The following CHM variants were observed in gnomAD, a reference collection of about 807,000 sequenced individuals.
CHM encodes the protein CHM Rab escort protein.
CHM carries 10 observed loss-of-function variants against 49.0 expected under a neutral mutation model. The observed-to-expected ratio is 0.20, with a 90% CI of 0.13 to 0.35. The LOEUF (loss-of-function observed/expected upper bound fraction) is 0.35. Among genes scored for constraint, CHM ranks in the 10% least tolerant of loss-of-function variants. The pLI is 1.00. For synonymous variants in CHM, 184 were observed against 167.5 expected (o/e 1.10, Z -0.76); for missense variants, 455 against 478.4 (o/e 0.95, Z 0.46).
chrX:85,937,772 A>G (rs1317759952), intron 8 of CHM, among the ~76,000 whole-genome samples: 1 of 106,966 alleles, frequency 9.3e-6, no homozygotes, highest in African/African-American at 3.4e-5. Context: ...TGAATCCCTG[A>G]GGCAGAGGTT....
chrX:85,901,565 AAAAG>A (rs1247321227), intron 9 of CHM, among the ~76,000 whole-genome samples: 1 of 111,550 alleles, frequency 9.0e-6, no homozygotes, highest in Non-Finnish European at 1.9e-5. Flanking sequence ...CAGCTCTAAG[AAAAG>A]AAAGAGAGAA....
intron 14 of CHM, 129 bp downstream of exon 14, chrX:85,872,923 T>C (rs1462839306): frequency 1.7e-6 from 1 of 581,928 alleles, no homozygotes; most frequent in Non-Finnish European, 2.7e-6. Context: ...AGAAAAAACT[T>C]TTAGGGCAAA....
intron 4 of CHM, among the ~76,000 whole-genome samples, chrX:85,965,053 C>A (rs1418406328): frequency 8.9e-6 from 1 of 112,186 alleles, no homozygotes; most frequent in African/African-American, 3.2e-5. Flanking sequence ...GTCTCTAAAC[C>A]AAACCACCTT....
chrX:86,008,156 G>T (rs1932906094), intron 2 of CHM, among the ~76,000 whole-genome samples: 1 of 111,578 alleles, frequency 9.0e-6, no homozygotes, highest in South Asian at 3.8e-4. Context: ...CTATCACAAG[G>T]ACAGAAAACC....
intron 8 of CHM, among the ~76,000 whole-genome samples, chrX:85,914,078 T>C (rs1927304525): frequency 9.0e-6 from 1 of 111,515 alleles, no homozygotes; most frequent in Non-Finnish European, 1.9e-5. Context: ...GTCATGGACC[T>C]CTGGAATGCT....
chrX:85,868,532 A>G (rs1459546944), intron 14 of CHM, among the ~76,000 whole-genome samples: 1 of 111,261 alleles, frequency 9.0e-6, no homozygotes. Flanking sequence ...TACTATCTGT[A>G]AAAGTTCTCC....
intron 1 of CHM, among the ~76,000 whole-genome samples, chrX:86,039,791 G>A (rs2147808486): frequency 9.0e-6 from 1 of 111,472 alleles, no homozygotes; most frequent in African/African-American, 3.3e-5. Flanking sequence ...AGAAGCAGTT[G>A]GACATTAGAG....
At chrX:85,939,951 A>C (rs1929010954) in intron 8 of CHM, among the ~76,000 whole-genome samples, 1 of 111,798 alleles carries the variant, frequency 8.9e-6, no homozygotes, top group Non-Finnish European at 1.9e-5. Flanking sequence ...TGCCTCTATT[A>C]GTCCATTTTC....
At chrX:85,978,689 ATCTT>A in intron 4 of CHM, 74 bp downstream of exon 4, 4 of 1,052,366 alleles carry the variant, frequency 3.8e-6, no homozygotes, top group Non-Finnish European at 5.2e-6. Flanking sequence ...TGCCACATAA[ATCTT>A]TATTGTTGGC....
At chrX:85,918,773 C>CA (rs901459182) in intron 8 of CHM, among the ~76,000 whole-genome samples, 4 of 111,392 alleles carry the variant, frequency 3.6e-5, no homozygotes, top group Middle Eastern at 4.6e-3. Context: ...CAAAAATCAT[C>CA]AAAAAAGACA....
intron 8 of CHM, among the ~76,000 whole-genome samples, chrX:85,951,395 G>T (rs1929739845): frequency 9.0e-6 from 1 of 110,513 alleles, no homozygotes; most frequent in South Asian, 3.8e-4. Context: ...GAAAAGTCAG[G>T]ACTTAAATCT....
chrX:86,037,854 T>A (rs1452630277), intron 1 of CHM, among the ~76,000 whole-genome samples: 1 of 111,516 alleles, frequency 9.0e-6, no homozygotes, highest in East Asian at 2.8e-4. Context: ...ATGTATCCAT[T>A]GTAAGCACTA....
intron 2 of CHM, among the ~76,000 whole-genome samples, chrX:85,995,817 A>G (rs1487230553): frequency 8.9e-6 from 1 of 112,008 alleles, no homozygotes; most frequent in East Asian, 2.8e-4. Context: ...TGAACAAATG[A>G]CAATCACTTT....
intron 2 of CHM, among the ~76,000 whole-genome samples, chrX:86,015,623 C>G (rs1021172288): frequency 9.0e-6 from 1 of 111,731 alleles, no homozygotes; most frequent in Non-Finnish European, 1.9e-5. Context: ...TGATCAAAAG[C>G]CTGATAGTGA....
Position 85,957,712 on chromosome X carries a change from G to A in CHM, c.940+143C>T, listed in dbSNP as rs957843330. On this transcript the variant is annotated intron_variant, in intron 7 of 14. Transcript: ENST00000357749. ...TTAATTTAAATTTAAATAGCTAAAT[G>A]TTACTAATGGCTAACCTATTGATAG... is the stretch of plus-strand genomic sequence containing the variant. The A allele has an allele frequency of 9.8e-6, 6 of 612,924 alleles. No homozygotes were observed. In the East Asian group the frequency reaches 1.7e-4, roughly 17 times the overall value. The allele number at this position is 612,924 out of a possible 1,213,427, so 50.5% of individuals were successfully genotyped here.
intron 8 of CHM, among the ~76,000 whole-genome samples, chrX:85,950,869 A>G (rs1929710052): frequency 8.9e-6 from 1 of 111,923 alleles, no homozygotes; most frequent in Non-Finnish European, 1.9e-5. Flanking sequence ...ATTAAAAACA[A>G]TGTGAGAGAA....
rs1211767631 is a variant in CHM at position 85,956,261 on chromosome X, T to C, written c.1058A>G (p.Asp353Gly). ...MTSETASSTI[D>G]GLKATKNFLH... ...AAAGTTTTTGGTAGCTTTGAGACCA[T>C]CTATGGTGCTGCTGGCTGTCTCTGA... is the stretch of plus-strand genomic sequence containing the variant. The change falls in exon 8 of 15, where the codon GAT becomes GGT. Residue 353 changes from aspartate to glycine, a missense_variant. By Grantham distance (94) the Asp-to-Gly change is moderately conservative. Transcript: ENST00000357749. The C allele has an allele frequency of 6.6e-6, 8 of 1,209,586 alleles. No individual in the cohort carries two copies. Among genetic ancestry groups the C allele is most frequent in the East Asian group, 3.0e-5 (1 of 33,744 alleles).
intron 8 of CHM, among the ~76,000 whole-genome samples, chrX:85,952,809 C>T (rs1603261256): frequency 8.9e-6 from 1 of 112,983 alleles, no homozygotes; most frequent in South Asian, 3.6e-4. Context: ...CTTTCTGGAC[C>T]TACCCTCGGC....
At chrX:85,893,136 A>G (rs1199093123) in intron 12 of CHM, among the ~76,000 whole-genome samples, 1 of 111,619 alleles carries the variant, frequency 9.0e-6, no homozygotes, top group Non-Finnish European at 1.9e-5. Context: ...CTTGGTTAAT[A>G]AATAGTCTTG....
Sources: gnomAD v4.1 joint callset for allele counts (sites outside exome capture counted in the v4.1 genomes callset) on GRCh38, gnomAD v4.1.1 for gene constraint, MANE v1.5 for transcripts, NCBI Gene and HGNC (gene_info 2026-07-23, HGNC 2026-07-21) for gene names.